SLC12A8: variants seen among roughly 807,000 people sequenced by gnomAD.
SLC12A8 encodes solute carrier family 12 member 8.
Under a neutral mutation model 75.6 loss-of-function variants are expected in SLC12A8, and 69 were observed. That is an observed-to-expected ratio of 0.91 (90% CI 0.75 to 1.11). The LOEUF (loss-of-function observed/expected upper bound fraction) is 1.11, where lower values mean the gene tolerates loss of function less well. SLC12A8 is among the 50% of genes most tolerant of loss of function. The pLI, the probability that SLC12A8 is intolerant of heterozygous loss-of-function variation, is 0.00. For missense variants in SLC12A8, 877 were observed against 896.7 expected (o/e 0.98, Z 0.28); for synonymous variants, 365 against 372.8 (o/e 0.98, Z 0.24).
chr3:125,160,701 T>C (rs775643036), intron 5 of SLC12A8, among the ~76,000 whole-genome samples: 3 of 152,214 alleles, frequency 2.0e-5, no homozygotes, highest in Non-Finnish European at 2.9e-5. Context: ...CTTAGCCTGC[T>C]GGTGGGCTGT....
intron 11 of SLC12A8, 66 bp from the exon 12 acceptor site, chr3:125,091,622 G>A: frequency 9.8e-7 from 1 of 1,025,244 alleles, no homozygotes; most frequent in East Asian, 2.4e-5. Context: ...AAGCCACAAG[G>A]CTAATGTCTT....
chr3:125,211,196 T>C, intron 2 of SLC12A8, 103 bp downstream of exon 2: 1 of 935,260 alleles, frequency 1.1e-6, no homozygotes. Context: ...TTGGAGTTAA[T>C]TACATCTAAA....
intron 8 of SLC12A8, among the ~76,000 whole-genome samples, chr3:125,111,059 C>A (rs1291194153): frequency 2.6e-5 from 4 of 152,210 alleles, no homozygotes; most frequent in African/African-American, 9.7e-5. Flanking sequence ...GTGAGGCCAT[C>A]CCCTCTTCCC....
chr3:125,117,673 C>T (rs1288225154), intron 8 of SLC12A8, among the ~76,000 whole-genome samples: 1 of 152,160 alleles, frequency 6.6e-6, no homozygotes, highest in Non-Finnish European at 1.5e-5. Context: ...CACAGAAAAA[C>T]TCCCTAACCA....
intron 6 of SLC12A8, 200 bp from the exon 7 acceptor site, chr3:125,120,886 T>A (rs1413323869): frequency 2.9e-6 from 2 of 700,910 alleles, no homozygotes; most frequent in Non-Finnish European, 5.2e-6. Context: ...GAAAGGCACC[T>A]TTGTGGGTTG....
chr3:125,212,365 C>T (rs1935353105), intron 1 of SLC12A8, among the ~76,000 whole-genome samples: 1 of 152,164 alleles, frequency 6.6e-6, no homozygotes, highest in Non-Finnish European at 1.5e-5. Flanking sequence ...GACCCCAGGC[C>T]TCCGCTCGCC....
intron 10 of SLC12A8, among the ~76,000 whole-genome samples, chr3:125,101,856 G>C (rs753689104): frequency 2.6e-5 from 4 of 152,250 alleles, no homozygotes; most frequent in Admixed American, 2.6e-4. Context: ...GCCAAAATTT[G>C]CTCAATTGCT....
chr3:125,108,835 G>A (rs1939107650), intron 9 of SLC12A8, among the ~76,000 whole-genome samples: 1 of 152,212 alleles, frequency 6.6e-6, no homozygotes, highest in South Asian at 2.1e-4. Flanking sequence ...CAGAATCACT[G>A]GTGGCTGGAG....
chr3:125,206,645 A>G (rs1221819447), intron 2 of SLC12A8: 2 of 152,284 alleles, frequency 1.3e-5, no homozygotes, highest in East Asian at 1.9e-4. Context: ...GTGCATTGCT[A>G]TAAAGAAATA....
chr3:125,184,017 G>T (rs564967909), intron 4 of SLC12A8, among the ~76,000 whole-genome samples: 1 of 152,078 alleles, frequency 6.6e-6, no homozygotes, highest in African/African-American at 2.4e-5. Flanking sequence ...CTGTCACCCA[G>T]GCTGGAGTGC....
intron 10 of SLC12A8, among the ~76,000 whole-genome samples, chr3:125,096,200 G>T (rs1445706685): frequency 6.6e-6 from 1 of 152,138 alleles, no homozygotes; most frequent in African/African-American, 2.4e-5. Flanking sequence ...ATGGCTCACT[G>T]CTTCATGCAA....
At chr3:125,153,397 C>G (rs1436303900) in intron 5 of SLC12A8, among the ~76,000 whole-genome samples, 7 of 152,202 alleles carry the variant, frequency 4.6e-5, no homozygotes, top group Admixed American at 4.6e-4. Context: ...CAGCTACCAC[C>G]AGTGCTTCTT....
intron 5 of SLC12A8, among the ~76,000 whole-genome samples, chr3:125,177,038 C>T (rs1331758097): frequency 7.3e-5 from 11 of 151,616 alleles, no homozygotes; most frequent in South Asian, 4.2e-4. Flanking sequence ...ATGTTTATTG[C>T]GGCACTGTTC....
At chr3:125,137,230 T>G (rs1933514958) in intron 5 of SLC12A8, among the ~76,000 whole-genome samples, 1 of 152,170 alleles carries the variant, frequency 6.6e-6, no homozygotes, top group Admixed American at 6.5e-5. Flanking sequence ...AGAAAAATAT[T>G]TTTTTTAAAA....
At chr3:125,084,161 A>C in intron 13 of SLC12A8, 109 bp from the exon 14 acceptor site, 2 of 847,316 alleles carry the variant, frequency 2.4e-6, no homozygotes, top group Non-Finnish European at 3.7e-6. Context: ...ACATGTATTT[A>C]AATGTTTAAA....
intron 2 of SLC12A8, among the ~76,000 whole-genome samples, chr3:125,200,933 T>C (rs4679370): frequency 0.46 from 69,886 of 151,994 alleles, 16,808 homozygotes; most frequent in Non-Finnish European, 0.53. Context: ...ATCAGTAAGC[T>C]CCTAAAGCCT....
rs1938381165 is a variant in SLC12A8, at chr3:125,083,548, CCT to C, written c.*340_*341del. The C allele has an allele frequency of 5.4e-6, 1 of 186,782 alleles. No individual in the cohort carries two copies. The highest frequency in any genetic ancestry group is 2.4e-5 in the African/African-American group (1 of 42,138). 11.6% of individuals were successfully genotyped at this position (186,782 alleles called of 1,614,324 possible). The stretch of plus-strand genomic sequence containing the variant: ...ACCAGCCTGGCCAACATGGTGAAAC[CCT>C]GTCTCCAGTAAAAATACAAAAAATA... On this transcript the variant is annotated 3_prime_UTR_variant, in exon 14 of 14. Transcript: ENST00000469902.
chr3:125,109,381 C>T (rs1353125205), intron 9 of SLC12A8, among the ~76,000 whole-genome samples: 3 of 152,300 alleles, frequency 2.0e-5, no homozygotes, highest in East Asian at 1.9e-4. Flanking sequence ...TTCCAGTGAA[C>T]GTCTAATAGG....
At chr3:125,133,801 G>A (rs1933421831) in intron 6 of SLC12A8, among the ~76,000 whole-genome samples, 1 of 151,966 alleles carries the variant, frequency 6.6e-6, no homozygotes, top group Non-Finnish European at 1.5e-5. Flanking sequence ...TCAAACTCCT[G>A]AGCTTGAGGG....
Sources: gnomAD v4.1 joint callset for allele counts (sites outside exome capture counted in the v4.1 genomes callset) on GRCh38, gnomAD v4.1.1 for gene constraint, MANE v1.5 for transcripts, NCBI Gene and HGNC (gene_info 2026-07-23, HGNC 2026-07-21) for gene names.